The following RMP64 variants were observed in gnomAD, a reference collection of about 807,000 sequenced individuals.
RMP64 encodes the protein nucleolus and neural progenitor protein.
chr3:113,013,583 G>A, the RMP64 span, among the ~76,000 whole-genome samples: 6 of 151,894 alleles, frequency 4.0e-5, no homozygotes, highest in Non-Finnish European at 5.9e-5. Context: ...CTCCCTGGGC[G>A]ACCCTTCACA....
the RMP64 span, chr3:113,013,206 T>C: frequency 6.4e-7 from 1 of 1,557,246 alleles, no homozygotes; most frequent in Non-Finnish European, 8.8e-7. Context: ...CAAACAAAAA[T>C]ACTGTTAAAA....
chr3:113,008,355 T>C, the RMP64 span: 1 of 1,613,456 alleles, frequency 6.2e-7, no homozygotes, highest in Non-Finnish European at 8.5e-7. Context: ...GCATGAGGAG[T>C]TCCTATCACT....
At chr3:113,019,209 G>C in the RMP64 span, 1 of 328,156 alleles carries the variant, frequency 3.0e-6, no homozygotes, top group African/African-American at 2.2e-5. Context: ...CCGAAGACCC[G>C]GGTGAGCAAG....
At chr3:113,012,903 G>A in the RMP64 span, 2 of 808,638 alleles carry the variant, frequency 2.5e-6, no homozygotes, top group South Asian at 3.0e-5. Context: ...TGGAAGTAAA[G>A]AGAATTTTCT....
chr3:113,011,590 T>A, the RMP64 span: 5 of 449,798 alleles, frequency 1.1e-5, no homozygotes, highest in Admixed American at 1.9e-4. Context: ...AATCCAAGTA[T>A]AAAATGTTAC....
the RMP64 span, chr3:113,019,550 G>T: frequency 6.2e-7 from 1 of 1,612,830 alleles, no homozygotes; most frequent in Admixed American, 1.7e-5. Flanking sequence ...ACCAAGGGCC[G>T]CGCCGGGGTT....
At chr3:113,013,673 G>C in the RMP64 span, among the ~76,000 whole-genome samples, 3 of 152,032 alleles carry the variant, frequency 2.0e-5, no homozygotes, top group Non-Finnish European at 4.4e-5. Context: ...GTGAAGACTT[G>C]CTTTAAGCTC....
At chr3:113,002,521 CG>C in the RMP64 span, 1 of 150,130 alleles carries the variant, frequency 6.7e-6, no homozygotes, top group East Asian at 2.0e-4. Flanking sequence ...AGTTACCCCC[CG>C]ACCCAGGGCT....
the RMP64 span, chr3:113,013,466 T>G: frequency 2.8e-5 from 38 of 1,370,014 alleles, no homozygotes; most frequent in South Asian, 1.3e-4. Flanking sequence ...TTTTTTGTTT[T>G]TTTTTTTTTT....
chr3:113,019,441 G>A, the RMP64 span: 3 of 932,480 alleles, frequency 3.2e-6, no homozygotes, highest in African/African-American at 1.7e-5. Context: ...AGCGTCCCCC[G>A]GGCCGGGAAG....
chr3:113,011,269 A>G, the RMP64 span: 1 of 1,613,578 alleles, frequency 6.2e-7, no homozygotes, highest in Non-Finnish European at 8.5e-7. Context: ...TGGCTGTCCT[A>G]AAAATTCAGT....
the RMP64 span, chr3:113,005,722 G>A: frequency 6.2e-7 from 1 of 1,614,056 alleles, no homozygotes. Context: ...CACTATTCAA[G>A]AGCTGCTTAC....
the RMP64 span, chr3:113,014,146 A>G: frequency 1.5e-6 from 1 of 673,336 alleles, no homozygotes; most frequent in African/African-American, 1.8e-5. Flanking sequence ...TATGCTAAAT[A>G]TCACAGAATA....
the RMP64 span, among the ~76,000 whole-genome samples, chr3:113,006,536 T>C: frequency 1.3e-5 from 2 of 152,218 alleles, no homozygotes; most frequent in Non-Finnish European, 2.9e-5. Flanking sequence ...TTATGATTCA[T>C]ATGTCATCTT....
At chr3:113,003,729 G>GTTTA in the RMP64 span, 1 of 151,938 alleles carries the variant, frequency 6.6e-6, no homozygotes, top group Non-Finnish European at 1.5e-5. Flanking sequence ...AAGCTCCAAA[G>GTTTA]TTTATTTCAG....
chr3:113,008,554 G>C, the RMP64 span: 1 of 759,328 alleles, frequency 1.3e-6, no homozygotes, highest in Non-Finnish European at 2.1e-6. Flanking sequence ...CTAAATGCTT[G>C]AAGTGATGGA....
chr3:113,013,294 C>T, the RMP64 span: 2 of 1,613,766 alleles, frequency 1.2e-6, no homozygotes, highest in Admixed American at 3.3e-5. Context: ...CAGCAGCAGT[C>T]CAACAAGCGG....
chr3:113,015,209 A>C, the RMP64 span: 1 of 152,206 alleles, frequency 6.6e-6, no homozygotes, highest in Non-Finnish European at 1.5e-5. Flanking sequence ...TGTACCATGC[A>C]TGGCTCTTAC....
At chr3:113,006,420 C>T in the RMP64 span, among the ~76,000 whole-genome samples, 8 of 152,198 alleles carry the variant, frequency 5.3e-5, no homozygotes, top group Admixed American at 5.2e-4. Context: ...CATGCTGTGG[C>T]AGGAAATGAA....
Sources: gnomAD v4.1 joint callset for allele counts (sites outside exome capture counted in the v4.1 genomes callset) on GRCh38, gnomAD v4.1.1 for gene constraint, MANE v1.5 for transcripts, NCBI Gene and HGNC (gene_info 2026-07-23, HGNC 2026-07-21) for gene names.